The following FBXO22 variants were observed in gnomAD, a reference collection of about 807,000 sequenced individuals.
FBXO22 encodes F-box protein 22.
In FBXO22, 13 loss-of-function variants were observed where a neutral mutation model predicts 37.2. That is an observed-to-expected ratio of 0.35 (90% CI 0.23 to 0.56). The LOEUF is 0.56. FBXO22 is among the 20% of genes least tolerant of loss of function. The probability of loss-of-function intolerance (pLI) is 0.87; values close to 1 mark genes in which losing one functional copy is unlikely to be tolerated. For synonymous variants in FBXO22, 189 were observed against 189.1 expected, an observed-to-expected ratio of 1.00 and a Z score of 0.00; for missense variants, 446 against 509.9, an observed-to-expected ratio of 0.87 and a Z score of 1.21.
chr15:75,917,075 G>T (rs1344365198), intron 4 of FBXO22, among the ~76,000 whole-genome samples, 155 bp from the exon 5 acceptor site: 1 of 152,048 alleles, frequency 6.6e-6, no homozygotes, highest in East Asian at 1.9e-4. Context: ...AAGTTAAATG[G>T]CAAACATCAT....
At chr15:75,904,449 A>G (rs769393904) in intron 1 of FBXO22, 42 bp from the exon 2 acceptor site, 4 of 1,612,478 alleles carry the variant, frequency 2.5e-6, no homozygotes, top group Middle Eastern at 1.7e-4. Flanking sequence ...AGAGACGAAA[A>G]TGAACGTCCG....
intron 5 of FBXO22, among the ~76,000 whole-genome samples, chr15:75,924,382 A>G (rs1382935977): frequency 6.6e-6 from 1 of 152,208 alleles, no homozygotes; most frequent in East Asian, 1.9e-4. Context: ...TTTGTTTTAA[A>G]CACTTCATTT....
At chr15:75,905,155 A>G (rs560840021) in intron 2 of FBXO22, among the ~76,000 whole-genome samples, 2 of 152,288 alleles carry the variant, frequency 1.3e-5, no homozygotes, top group African/African-American at 2.4e-5. Flanking sequence ...CATTTTCACT[A>G]TTAACAACAA....
chr15:75,906,299 T>C (rs1899928043), intron 2 of FBXO22, among the ~76,000 whole-genome samples: 1 of 152,118 alleles, frequency 6.6e-6, no homozygotes, highest in African/African-American at 2.4e-5. Flanking sequence ...AGGTCTAGAC[T>C]CTCTAAGTGT....
chr15:75,923,764 A>G (rs921679802), intron 5 of FBXO22, among the ~76,000 whole-genome samples: 1 of 152,214 alleles, frequency 6.6e-6, no homozygotes, highest in African/African-American at 2.4e-5. Flanking sequence ...CAGTTAAAAT[A>G]ATTTTTTTTA....
rs925502449 is a variant in FBXO22, at chr15:75,937,708, C to G, written c.*4606C>G. On this transcript the variant is annotated 3_prime_UTR_variant, in exon 7 of 7. Transcript: ENST00000308275. ...CTTAAAGCAGCAGAAGCCCAGTCCC[C>G]TCCCTTGAACTGGAGAAAACATGCT... The G allele has an allele frequency of 8.5e-5, 13 of 152,312 alleles. No individual in the cohort carries two copies. Among genetic ancestry groups the G allele is most frequent in the African/African-American group, 2.9e-4 (12 of 41,570 alleles). 9.4% of individuals were successfully genotyped at this position (152,312 alleles called of 1,614,324 possible).
intron 6 of FBXO22, among the ~76,000 whole-genome samples, chr15:75,931,992 T>C (rs1474437093): frequency 3.9e-5 from 6 of 152,200 alleles, no homozygotes; most frequent in Non-Finnish European, 7.4e-5. Context: ...GGCAGGAGGA[T>C]TGCTTGAGCC....
At chr15:75,904,813 T>A (rs1595909251) in intron 2 of FBXO22, among the ~76,000 whole-genome samples, 184 bp downstream of exon 2, 2 of 146,014 alleles carry the variant, frequency 1.4e-5, no homozygotes, top group Non-Finnish European at 3.0e-5. Flanking sequence ...TGACCGTTCA[T>A]CAAATGTTGG....
chr15:75,914,110 C>G lies in FBXO22; in HGVS notation c.368C>G (p.Ala123Gly). Residue 123 changes from alanine (A) to glycine (G), a missense_variant and splice_region_variant, in exon 4 of 7, where the codon GCA becomes GGA. Transcript: ENST00000308275. ...TCATTTTGCTACTGTATTTTTACAG[C>G]AAGGAAAAGAACTAGTATGGAAACA... is the stretch of plus-strand genomic sequence containing the variant. ...SLEECRGHKR[A>G]RKRTSMETAL... is the part of the protein sequence containing the mutation. The G allele has an allele frequency of 6.2e-7, 1 of 1,605,300 alleles. No individual in the cohort carries two copies.
intron 5 of FBXO22, among the ~76,000 whole-genome samples, chr15:75,924,383 C>T (rs1316575599): frequency 6.6e-6 from 1 of 152,164 alleles, no homozygotes; most frequent in Non-Finnish European, 1.5e-5. Flanking sequence ...TTGTTTTAAA[C>T]ACTTCATTTG....
intron 6 of FBXO22, 38 bp from the exon 7 acceptor site, chr15:75,932,647 T>A: frequency 6.5e-7 from 1 of 1,527,884 alleles, no homozygotes; most frequent in Non-Finnish European, 8.7e-7. Flanking sequence ...AAAATTTTAA[T>A]GTTTCATGAG....
intron 6 of FBXO22, chr15:75,930,602 G>C: frequency 1.0e-6 from 1 of 985,502 alleles, no homozygotes; most frequent in Non-Finnish European, 1.2e-6. Flanking sequence ...AAAAATTGTG[G>C]ATCTTTTTTG....
Position 75,932,879 on chromosome 15 carries a change from GC to G in FBXO22, c.990del (p.Gln332SerfsTer37). On this transcript the variant is annotated frameshift_variant, in exon 7 of 7. Coordinates refer to ENST00000308275, the MANE Select transcript of FBXO22 (RefSeq NM_147188.3). LOFTEE classifies it high-confidence loss of function. ...TTCATGTTTGCATGCGTTGGCAGGGGCTTTCAGTATTACAGAGCCAAGGGGA... is the reference window on the plus strand; with the variant it reads ...TTCATGTTTGCATGCGTTGGCAGGGGTTTCAGTATTACAGAGCCAAGGGGA... Reference protein sequence around the residue: ...IGFMFACVGRGFQYYRAKGNV... With the variant: ...IGFMFACVGRXFQYYRAKGNV... 6.2e-7 allele frequency: 1 copy of G among 1,614,240 alleles called. No homozygotes were observed. The highest frequency in any genetic ancestry group is 8.5e-7 in the Non-Finnish European group (1 of 1,180,046).
chr15:75,930,115 T>C (rs1187651646), intron 6 of FBXO22, 66 bp downstream of exon 6: 7 of 1,605,142 alleles, frequency 4.4e-6, no homozygotes, highest in East Asian at 4.5e-5. Flanking sequence ...TTTGTCACTT[T>C]GGGGTTAACA....
In FBXO22 at chr15:75,903,930, C is replaced by T. The variant is rs890878353; in HGVS notation, c.-34C>T. The T allele has an allele frequency of 4.1e-6, 6 of 1,480,358 alleles. No homozygotes were observed. The African/African-American group carries it at 4.2e-5, about 10-fold the overall frequency. 91.7% of individuals were successfully genotyped at this position (1,480,358 alleles called of 1,614,324 possible). On this transcript the variant is annotated 5_prime_UTR_variant, in exon 1 of 7. Coordinates refer to ENST00000308275, the MANE Select transcript of FBXO22 (RefSeq NM_147188.3). The stretch of plus-strand genomic sequence containing the variant: ...CTGGCGTAATCGGGTTCCTCCGAGC[C>T]GCCGTAGGACTGGTTCCGGCGGGCT...
chr15:75,935,848 C>G lies in FBXO22; in HGVS notation c.*2746C>G, dbSNP rs2030287227. Reference sequence around the variant, plus strand: ...TTTAGCCCAGGCCGGATTGCAATGGCACAATCTTGGCTCACTGCAAGCTCC... The same window carrying G: ...TTTAGCCCAGGCCGGATTGCAATGGGACAATCTTGGCTCACTGCAAGCTCC... On this transcript the variant is annotated 3_prime_UTR_variant, in exon 7 of 7. Coordinates refer to ENST00000308275, the MANE Select transcript of FBXO22 (RefSeq NM_147188.3). 1.3e-5 allele frequency: 2 copies of G among 151,996 alleles called. No homozygotes were observed. The highest frequency in any genetic ancestry group is 2.4e-5 in the African/African-American group (1 of 41,366). 9.4% of individuals were successfully genotyped at this position (151,996 alleles called of 1,614,324 possible).
At position 75,941,918 on chromosome 15, in the gene FBXO22, C is replaced by A. The variant is rs1182967684; in HGVS notation, c.*8816C>A. 1 of 123,190 alleles carries A rather than the reference C, an allele frequency of 8.1e-6. No individual in the cohort carries two copies. The highest frequency in any genetic ancestry group is 3.1e-5 in the African/African-American group (1 of 32,536). The allele number at this position is 123,190 out of a possible 1,614,324, so 7.6% of individuals were successfully genotyped here. A position where few individuals can be genotyped will look rare whatever the true frequency, so the allele number is the denominator to read the frequency against. ...AAATTTAAATCTTACGTACATTTTG[C>A]CACAGTAAATTTTTAAACCACCAAA... On this transcript the variant is annotated 3_prime_UTR_variant, in exon 7 of 7. Coordinates refer to ENST00000308275, the MANE Select transcript of FBXO22 (RefSeq NM_147188.3).
chr15:75,907,507 C>A (rs1899955800), intron 2 of FBXO22, among the ~76,000 whole-genome samples: 1 of 152,112 alleles, frequency 6.6e-6, no homozygotes, highest in Non-Finnish European at 1.5e-5. Flanking sequence ...CTATCCAAAT[C>A]ATACGTGCTG....
At chr15:75,923,650 G>A (rs1025213083) in intron 5 of FBXO22, among the ~76,000 whole-genome samples, 1 of 152,196 alleles carries the variant, frequency 6.6e-6, no homozygotes, top group Non-Finnish European at 1.5e-5. Flanking sequence ...TCATTTTGGA[G>A]TACAAGAGTG....
Sources: gnomAD v4.1 joint callset for allele counts (sites outside exome capture counted in the v4.1 genomes callset) on GRCh38, gnomAD v4.1.1 for gene constraint, MANE v1.5 for transcripts, NCBI Gene and HGNC (gene_info 2026-07-23, HGNC 2026-07-21) for gene names.